The following NCALD variants were observed in gnomAD, a reference collection of about 807,000 sequenced individuals.
The protein encoded by NCALD is neurocalcin delta.
A neutral mutation model predicts 18.6 loss-of-function variants in NCALD; 10 were observed. That is an observed-to-expected ratio of 0.54 (90% CI 0.33 to 0.91). The LOEUF is 0.91. Ranked by LOEUF, NCALD falls within the 40% of genes least tolerant of loss-of-function variation. NCALD has a pLI of 0.03. For synonymous variants in NCALD, 88 were observed against 87.4 expected (o/e 1.01, Z -0.04); for missense variants, 184 against 247.6 (o/e 0.74, Z 1.72).
At chr8:102,074,440 T>A (rs1824277366) in intron 1 of NCALD, among the ~76,000 whole-genome samples, 1 of 152,194 alleles carries the variant, frequency 6.6e-6, no homozygotes, top group African/African-American at 2.4e-5. Flanking sequence ...TATAAAGTTC[T>A]CCCAGTCTTT....
At chr8:101,808,855 T>C (rs1305050703) in intron 4 of NCALD, among the ~76,000 whole-genome samples, 1 of 152,036 alleles carries the variant, frequency 6.6e-6, no homozygotes, top group Non-Finnish European at 1.5e-5. Context: ...ATTTCAAGGC[T>C]ACATTGCTTT....
chr8:101,833,083 C>T (rs1013255471), intron 4 of NCALD, among the ~76,000 whole-genome samples: 5 of 152,286 alleles, frequency 3.3e-5, no homozygotes, highest in East Asian at 1.9e-4. Context: ...TTTAAGGTGT[C>T]GCCCTTCTTC....
chr8:101,738,552 CAA>C (rs34205453), intron 1 of NCALD, among the ~76,000 whole-genome samples: 10,186 of 127,464 alleles, frequency 0.08, 561 homozygotes, highest in African/African-American at 0.22. Context: ...CTCAAAAAAA[CAA>C]AAAAAAAAAA....
chr8:102,114,571 G>A (rs1029957830), intron 1 of NCALD, among the ~76,000 whole-genome samples: 1 of 152,222 alleles, frequency 6.6e-6, no homozygotes, highest in African/African-American at 2.4e-5. Flanking sequence ...GGAACCCAAA[G>A]AGGGTGGCGA....
chr8:101,733,699 T>C (rs6468791), intron 1 of NCALD, among the ~76,000 whole-genome samples: 80,598 of 151,942 alleles, frequency 0.53, 23,731 homozygotes, highest in African/African-American at 0.79. Flanking sequence ...AAAAAGAGCA[T>C]GAAAGTGATA....
intron 1 of NCALD, among the ~76,000 whole-genome samples, chr8:102,122,136 TG>T (rs1158114407): frequency 6.6e-6 from 1 of 152,190 alleles, no homozygotes; most frequent in Non-Finnish European, 1.5e-5. Flanking sequence ...GGGAGTGCCA[TG>T]CAGCCTGCTG....
chr8:102,036,143 A>AATTAATT (rs1554583487), intron 1 of NCALD, among the ~76,000 whole-genome samples: 60 of 148,330 alleles, frequency 4.0e-4, no homozygotes, highest in Admixed American at 1.2e-3. Flanking sequence ...ATAAATAAAT[A>AATTAATT]AATTAATTAA....
chr8:101,800,313 A>G (rs1487677725), intron 4 of NCALD, among the ~76,000 whole-genome samples: 1 of 152,194 alleles, frequency 6.6e-6, no homozygotes, highest in East Asian at 1.9e-4. Context: ...TTGTATAAGT[A>G]CAAATAGTCC....
At chr8:102,034,156 G>C (rs1451446577) in intron 1 of NCALD, among the ~76,000 whole-genome samples, 4 of 152,086 alleles carry the variant, frequency 2.6e-5, no homozygotes, top group African/African-American at 9.7e-5. Flanking sequence ...CTTTCCCCAA[G>C]TGTGTCTGTT....
At chr8:101,737,631 C>T (rs542884943) in intron 1 of NCALD, among the ~76,000 whole-genome samples, 36 of 152,320 alleles carry the variant, frequency 2.4e-4, no homozygotes, top group African/African-American at 8.2e-4. Flanking sequence ...AAAAACAAAA[C>T]ATTTTGTAAA....
intron 3 of NCALD, among the ~76,000 whole-genome samples, chr8:101,911,356 CTTTT>C: frequency 7.1e-6 from 1 of 140,406 alleles, no homozygotes; most frequent in Non-Finnish European, 1.5e-5. Flanking sequence ...TCTTTTTTTT[CTTTT>C]CTTTTTTTTT....
At chr8:102,082,736 C>G (rs546725861) in intron 1 of NCALD, among the ~76,000 whole-genome samples, 1 of 152,292 alleles carries the variant, frequency 6.6e-6, no homozygotes, top group East Asian at 1.9e-4. Flanking sequence ...ATTTTCAAGA[C>G]CACATGGTGG....
rs533756559 is a variant in NCALD, at chr8:101,890,060, A to G, written c.-106-2833T>C. Among the ~76,000 whole-genome samples, 6 of 152,350 alleles carry G rather than the reference A, an allele frequency of 3.9e-5. No homozygotes were observed. The East Asian group carries it at 9.6e-4, about 24-fold the overall frequency. On this transcript the variant is annotated intron_variant, in intron 3 of 6. Transcript: ENST00000311028. ...GAGCTTGCATTCATCCAAAGGTACAATGAAGAAGGCAAAAACACAAGCCAA... is the reference window on the plus strand; with the variant it reads ...GAGCTTGCATTCATCCAAAGGTACAGTGAAGAAGGCAAAAACACAAGCCAA...
chr8:101,760,486 G>A (rs1475535432), intron 1 of NCALD, among the ~76,000 whole-genome samples: 1 of 152,302 alleles, frequency 6.6e-6, no homozygotes, highest in Admixed American at 6.5e-5. Context: ...GCAAACTGAC[G>A]TCTGGATTAG....
At chr8:102,014,378 T>G (rs1010418712) in intron 2 of NCALD, among the ~76,000 whole-genome samples, 1 of 152,192 alleles carries the variant, frequency 6.6e-6, no homozygotes, top group South Asian at 2.1e-4. Flanking sequence ...CCCACTTTCA[T>G]GATCTAATCA....
chr8:101,973,240 C>A (rs967007259), intron 2 of NCALD, among the ~76,000 whole-genome samples: 5 of 152,058 alleles, frequency 3.3e-5, no homozygotes, highest in African/African-American at 1.2e-4. Flanking sequence ...TCTAGGATAC[C>A]ACATTACATT....
intron 2 of NCALD, among the ~76,000 whole-genome samples, chr8:101,956,063 A>C (rs1402082917): frequency 6.6e-6 from 1 of 152,202 alleles, no homozygotes; most frequent in Non-Finnish European, 1.5e-5. Flanking sequence ...AGGGAATTAG[A>C]ATAAATATTT....
At chr8:101,978,200 T>C (rs1270233219) in intron 2 of NCALD, among the ~76,000 whole-genome samples, 1 of 152,070 alleles carries the variant, frequency 6.6e-6, no homozygotes, top group East Asian at 1.9e-4. Flanking sequence ...TACTTATGTA[T>C]CCCAACTATG....
chr8:101,873,194 T>G (rs1816091145), intron 4 of NCALD, among the ~76,000 whole-genome samples: 1 of 152,238 alleles, frequency 6.6e-6, no homozygotes, highest in African/African-American at 2.4e-5. Flanking sequence ...GGCTTAGTCA[T>G]TTCTGCACTA....
Sources: allele counts gnomAD v4.1 joint callset (sites outside exome capture counted in the v4.1 genomes callset), GRCh38; gene constraint gnomAD v4.1.1; transcripts MANE v1.5; gene names NCBI Gene and HGNC (gene_info 2026-07-23, HGNC 2026-07-21).